The following PTPRG variants were observed in gnomAD, a reference collection of about 807,000 sequenced individuals.
The protein encoded by PTPRG is protein tyrosine phosphatase receptor type G.
PTPRG carries 102 observed loss-of-function variants against 165.3 expected under a neutral mutation model. That is an observed-to-expected ratio of 0.62 (90% CI 0.53 to 0.73). PTPRG has a LOEUF of 0.73. Ranked by LOEUF, PTPRG falls within the 30% of genes least tolerant of loss-of-function variation. The pLI, the probability that PTPRG is intolerant of heterozygous loss-of-function variation, is 0.00. For synonymous variants in PTPRG, 675 were observed against 669.5 expected (o/e 1.01, Z -0.13); for missense variants, 1,866 against 1,861.4 (o/e 1.00, Z -0.05).
At chr3:62,171,534 C>G (rs1197456483) in intron 8 of PTPRG, among the ~76,000 whole-genome samples, 2 of 152,148 alleles carry the variant, frequency 1.3e-5, no homozygotes, top group Non-Finnish European at 2.9e-5. Context: ...TTTTCATCGC[C>G]ACAGAAAGTT....
intron 4 of PTPRG, among the ~76,000 whole-genome samples, chr3:62,049,120 CA>C (rs200692890): frequency 1.8e-4 from 24 of 136,524 alleles, no homozygotes; most frequent in South Asian, 2.3e-4. Context: ...CAAAACAAAA[CA>C]AAAAAAAAAA....
intron 1 of PTPRG, among the ~76,000 whole-genome samples, chr3:61,694,131 G>A (rs1430464214): frequency 6.6e-6 from 1 of 152,036 alleles, no homozygotes; most frequent in African/African-American, 2.4e-5. Context: ...TGCCATTTCA[G>A]AGACAGGGAA....
intron 4 of PTPRG, among the ~76,000 whole-genome samples, chr3:62,005,444 A>C (rs561530008): frequency 6.6e-6 from 1 of 152,174 alleles, no homozygotes; most frequent in Non-Finnish European, 1.5e-5. Context: ...TGTGTCCAGC[A>C]AGCCTTGCTC....
intron 2 of PTPRG, among the ~76,000 whole-genome samples, chr3:61,944,767 C>G (rs144732627): frequency 6.6e-6 from 1 of 152,296 alleles, no homozygotes; most frequent in African/African-American, 2.4e-5. Flanking sequence ...GGCTCTGGTT[C>G]TTTTTAAAGA....
intron 2 of PTPRG, among the ~76,000 whole-genome samples, chr3:61,784,965 A>G (rs1327228631): frequency 2.0e-5 from 3 of 152,224 alleles, no homozygotes; most frequent in African/African-American, 7.2e-5. Context: ...ATTCATTTCC[A>G]AGTACGAAGT....
intron 1 of PTPRG, among the ~76,000 whole-genome samples, chr3:61,673,585 G>T (rs778809341): frequency 2.0e-5 from 3 of 152,128 alleles, no homozygotes; most frequent in Non-Finnish European, 4.4e-5. Flanking sequence ...ATTATTGTTT[G>T]TACTAGTTTA....
chr3:62,120,618 G>A (rs1703030731), intron 5 of PTPRG, among the ~76,000 whole-genome samples: 1 of 152,064 alleles, frequency 6.6e-6, no homozygotes, highest in South Asian at 2.1e-4. Context: ...AAGAATGGTG[G>A]CATGCACCTG....
chr3:61,680,915 A>G lies in PTPRG; in HGVS notation c.86-67963A>G, dbSNP rs1432468919. Among the ~76,000 whole-genome samples, 3 of 133,384 alleles carry G rather than the reference A, an allele frequency of 2.2e-5. 1 individual carries two copies. Among genetic ancestry groups the G allele is most frequent in the African/African-American group, 7.8e-5 (3 of 38,568 alleles). 87.5% of individuals were successfully genotyped at this position (133,384 alleles called of 152,430 possible). A position where few individuals can be genotyped will look rare whatever the true frequency, so the allele number is the denominator to read the frequency against. ...GTGGGATGTGTTTAAAATGTGGGAG[A>G]CAGGAGCTGTATGGAAATCATTATT... On this transcript the variant is annotated intron_variant, in intron 1 of 29. Transcript: ENST00000474889.
chr3:61,871,451 A>T (rs1271635364), intron 2 of PTPRG, among the ~76,000 whole-genome samples: 1 of 151,858 alleles, frequency 6.6e-6, no homozygotes, highest in East Asian at 1.9e-4. Flanking sequence ...CAATCCTCCC[A>T]CCTTGGCTTC....
intron 4 of PTPRG, among the ~76,000 whole-genome samples, chr3:62,028,908 G>A (rs1436413994): frequency 1.3e-5 from 2 of 152,164 alleles, no homozygotes; most frequent in Admixed American, 6.5e-5. Flanking sequence ...TAGATTATGA[G>A]TTGATACTCA....
At chr3:61,982,331 C>CT (rs1254193171) in intron 2 of PTPRG, among the ~76,000 whole-genome samples, 1 of 152,132 alleles carries the variant, frequency 6.6e-6, no homozygotes, top group African/African-American at 2.4e-5. Context: ...GCTGGTACAA[C>CT]TTTAAGTCAG....
intron 5 of PTPRG, among the ~76,000 whole-genome samples, chr3:62,084,717 C>G (rs539022455): frequency 2.6e-5 from 4 of 152,172 alleles, no homozygotes; most frequent in African/African-American, 2.4e-5. Context: ...CACCTTCCCC[C>G]TCCTTCCCCA....
At chr3:61,596,845 T>C (rs183234611) in intron 1 of PTPRG, among the ~76,000 whole-genome samples, 22 of 152,276 alleles carry the variant, frequency 1.4e-4, no homozygotes, top group Admixed American at 1.4e-3. Flanking sequence ...TTTTTAGAAG[T>C]GAATAATTGT....
intron 26 of PTPRG, among the ~76,000 whole-genome samples, chr3:62,281,188 G>A (rs1436592922): frequency 1.3e-5 from 2 of 151,940 alleles, no homozygotes; most frequent in African/African-American, 4.8e-5. Flanking sequence ...TAATCCACAG[G>A]AAATAATTAG....
chr3:61,696,887 C>A (rs2030633996), intron 1 of PTPRG, among the ~76,000 whole-genome samples: 1 of 152,180 alleles, frequency 6.6e-6, no homozygotes, highest in South Asian at 2.1e-4. Flanking sequence ...TGATAACGGT[C>A]TTGTGACCTG....
At chr3:62,083,149 G>A (rs1701635320) in intron 5 of PTPRG, among the ~76,000 whole-genome samples, 1 of 152,044 alleles carries the variant, frequency 6.6e-6, no homozygotes, top group Admixed American at 6.6e-5. Context: ...ATTTGTTAAA[G>A]TAAAACTTCT....
At chr3:61,687,721 T>C (rs1387843699) in intron 1 of PTPRG, among the ~76,000 whole-genome samples, 3 of 152,264 alleles carry the variant, frequency 2.0e-5, no homozygotes, top group Non-Finnish European at 2.9e-5. Flanking sequence ...ACAAATTCTT[T>C]ACATGCCAGT....
intron 1 of PTPRG, among the ~76,000 whole-genome samples, chr3:61,730,072 G>T (rs2032430176): frequency 6.6e-6 from 1 of 152,194 alleles, no homozygotes; most frequent in African/African-American, 2.4e-5. Flanking sequence ...GTCTTCCTTA[G>T]GTCTGCTGCG....
chr3:62,169,337 C>T (rs1329001924), intron 8 of PTPRG, among the ~76,000 whole-genome samples: 2 of 152,142 alleles, frequency 1.3e-5, no homozygotes, highest in African/African-American at 2.4e-5. Flanking sequence ...CATCCACCCC[C>T]GGCAAGAACT....
Sources: gnomAD v4.1 joint callset for allele counts (sites outside exome capture counted in the v4.1 genomes callset) on GRCh38, gnomAD v4.1.1 for gene constraint, MANE v1.5 for transcripts, NCBI Gene and HGNC (gene_info 2026-07-23, HGNC 2026-07-21) for gene names.